Variants in PLA2G4D observed in about 807,000 individuals in gnomAD.
PLA2G4D encodes phospholipase A2 group IVD.
Under a neutral mutation model 94.4 loss-of-function variants are expected in PLA2G4D, and 80 were observed. The ratio of observed to expected loss-of-function variants is 0.85; its 90% CI spans 0.71 to 1.02. The LOEUF is 1.02. Ranked by LOEUF, PLA2G4D falls within the 50% of genes least tolerant of loss-of-function variation. The pLI is 0.00. For synonymous variants in PLA2G4D, 438 were observed against 440.9 expected (o/e 0.99, Z 0.08); for missense variants, 1,050 against 1,034.7 (o/e 1.01, Z -0.20).
intron 1 of PLA2G4D, among the ~76,000 whole-genome samples, chr15:42,093,916 G>A (rs537509469): frequency 6.6e-6 from 1 of 152,152 alleles, no homozygotes; most frequent in Non-Finnish European, 1.5e-5. Context: ...GACAGAGGGT[G>A]GGGGGGTGGC....
rs1315178914 is a variant in PLA2G4D, at chr15:42,068,799, G to A, written c.2373C>T (p.Thr791=). Residue 791 remains threonine, a synonymous_variant, in exon 20 of 20, where the codon ACC becomes ACT. Coordinates refer to ENST00000290472, the MANE Select transcript of PLA2G4D (RefSeq NM_178034.4). ...GGGCCTGCAGGATGGCACCCTGGCTGGTCTGCACGTTGTAGTCACTGAGCC... is the reference window on the plus strand; with the variant it reads ...GGGCCTGCAGGATGGCACCCTGGCTAGTCTGCACGTTGTAGTCACTGAGCC... ...LLRLSDYNVQ[T]SQGAILQALR... 3 of 1,613,596 alleles carry A rather than the reference G, an allele frequency of 1.9e-6. No homozygotes were observed. In the East Asian group the frequency reaches 6.7e-5, roughly 36 times the overall value.
At chr15:42,087,206 G>A in intron 3 of PLA2G4D, 94 bp downstream of exon 3, 1 of 1,526,890 alleles carries the variant, frequency 6.5e-7, no homozygotes, top group South Asian at 1.2e-5. Flanking sequence ...GAGTTTCTCT[G>A]ACAGCCCCAG....
At chr15:42,076,955 G>A (rs1168654689) in intron 13 of PLA2G4D, among the ~76,000 whole-genome samples, 2 of 152,286 alleles carry the variant, frequency 1.3e-5, no homozygotes. Flanking sequence ...GGATATATAT[G>A]TGAAAATATT....
rs549304409 is a variant in PLA2G4D, at chr15:42,085,131, G to C, written c.436C>G (p.Arg146Gly). 3.7e-6 allele frequency: 6 copies of C among 1,614,198 alleles called. No homozygotes were observed. The highest frequency in any genetic ancestry group is 5.1e-6 in the Non-Finnish European group (6 of 1,180,032). ...VEFLMEETSD[R>G]PENLITNKVI... ...TTGTTGGTGATGAGGTTTTCTGGGC[G>C]ATCTGACCTGGAAAAATCAAACCAT... Residue 146 changes from arginine (R) to glycine (G), a missense_variant, in exon 6 of 20, where the codon CGC becomes GGC. Coordinates refer to ENST00000290472, the MANE Select transcript of PLA2G4D (RefSeq NM_178034.4).
In PLA2G4D at chr15:42,068,695, C is replaced by A. The variant is rs1204385366; in HGVS notation, c.*20G>T. The A allele has an allele frequency of 1.9e-6, 3 of 1,585,330 alleles. No homozygotes were observed. In the South Asian group the frequency reaches 3.4e-5, roughly 18 times the overall value. On this transcript the variant is annotated 3_prime_UTR_variant, in exon 20 of 20. Coordinates refer to ENST00000290472, the MANE Select transcript of PLA2G4D (RefSeq NM_178034.4). ...GTTATGCCCGCAGGCCCTGGAGGGT[C>A]CTGCAGCCTCTGAGCAACCTCAGGT...
chr15:42,094,227 G>C (rs562435421), intron 1 of PLA2G4D, among the ~76,000 whole-genome samples, 188 bp downstream of exon 1: 1 of 152,248 alleles, frequency 6.6e-6, no homozygotes, highest in African/African-American at 2.4e-5. Context: ...CCAGACTCAC[G>C]TTTCCCAGCC....
chr15:42,074,151 T>C (rs2141094513), intron 13 of PLA2G4D, among the ~76,000 whole-genome samples: 1 of 152,252 alleles, frequency 6.6e-6, no homozygotes, highest in Non-Finnish European at 1.5e-5. Flanking sequence ...AGTTGCACAA[T>C]TTATGCCCTA....
intron 1 of PLA2G4D, among the ~76,000 whole-genome samples, chr15:42,091,211 A>G (rs1890238972): frequency 6.6e-6 from 1 of 152,270 alleles, no homozygotes; most frequent in African/African-American, 2.4e-5. Flanking sequence ...CTGTTCCAGT[A>G]TAATAAAATA....
chr15:42,079,833 C>A, intron 12 of PLA2G4D, 74 bp from the exon 13 acceptor site: 2 of 1,445,304 alleles, frequency 1.4e-6, no homozygotes, highest in South Asian at 1.3e-5. Flanking sequence ...GCTTCCCACT[C>A]GGCAGCTTCT....
chr15:42,085,549 G>T lies in PLA2G4D; in HGVS notation c.388-18C>A. ...TCCTCTCCCTGAAATCAGAGAGCAT[G>T]AGCAAGTCATCAGCACATACCTGTG... On this transcript the variant is annotated intron_variant, in intron 4 of 19. Coordinates refer to ENST00000290472, the MANE Select transcript of PLA2G4D (RefSeq NM_178034.4). 1 of 1,612,424 alleles carries T rather than the reference G, an allele frequency of 6.2e-7. No individual in the cohort carries two copies. The highest frequency in any genetic ancestry group is 1.1e-5 in the South Asian group (1 of 91,050).
At chr15:42,081,974 C>G in intron 9 of PLA2G4D, 140 bp from the exon 10 acceptor site, 2 of 1,064,382 alleles carry the variant, frequency 1.9e-6, no homozygotes, top group Non-Finnish European at 2.6e-6. Context: ...TCTTGTTGCT[C>G]AGGCTGGAGT....
chr15:42,081,139 CCA>C lies in PLA2G4D; in HGVS notation c.958-8_958-7del. Reference sequence around the variant, plus strand: ...ATGATGCCCACAACGGGTACCTGGACCACACACAGACAGGCTGGATTAACAAG... The same window carrying C: ...ATGATGCCCACAACGGGTACCTGGACCACACAGACAGGCTGGATTAACAAG... On this transcript the variant is annotated splice_polypyrimidine_tract_variant and splice_region_variant and intron_variant, in intron 11 of 19. Transcript: ENST00000290472. The C allele has an allele frequency of 6.2e-7, 1 of 1,612,910 alleles. No individual in the cohort carries two copies. Among genetic ancestry groups the C allele is most frequent in the Non-Finnish European group, 8.5e-7 (1 of 1,179,306 alleles).
At chr15:42,085,073 C>G (rs367765701) in intron 6 of PLA2G4D, 23 bp downstream of exon 6, 3 of 1,613,990 alleles carry the variant, frequency 1.9e-6, no homozygotes, top group African/African-American at 2.7e-5. Flanking sequence ...GGCCCCTCCC[C>G]TAAGCCTGGG....
At chr15:42,074,802 C>G (rs898839980) in intron 13 of PLA2G4D, among the ~76,000 whole-genome samples, 1 of 151,692 alleles carries the variant, frequency 6.6e-6, no homozygotes, top group Non-Finnish European at 1.5e-5. Flanking sequence ...TAAAATTGCC[C>G]GAAGAAAACA....
chr15:42,090,378 C>A (rs1166770429), intron 1 of PLA2G4D, among the ~76,000 whole-genome samples: 1 of 152,206 alleles, frequency 6.6e-6, no homozygotes, highest in Non-Finnish European at 1.5e-5. Context: ...TTTTGTCAGA[C>A]CCCGACAAAT....
chr15:42,089,647 G>A (rs1007852794), intron 1 of PLA2G4D, among the ~76,000 whole-genome samples: 5 of 152,116 alleles, frequency 3.3e-5, no homozygotes, highest in East Asian at 1.9e-4. Context: ...CACCACTGCC[G>A]GCCACAGGGA....
At position 42,081,548 on chromosome 15, in the gene PLA2G4D, C is replaced by G. The variant is rs142515758; in HGVS notation, c.888G>C (p.Arg296Ser). 9.8e-5 allele frequency: 158 copies of G among 1,614,114 alleles called. No individual in the cohort carries two copies. Among genetic ancestry groups the G allele is most frequent in the Non-Finnish European group, 1.3e-4 (150 of 1,180,034 alleles). The stretch of plus-strand genomic sequence containing the variant: ...GGGCCTTGGCCACCACCTGCTTCCT[C>G]CTGCTCAGGAAGGCCTGCTCCTCTG... Reference protein sequence around the residue: ...LCAEEQAFLSRRKQVVAKALK... With the variant: ...LCAEEQAFLSSRKQVVAKALK... The change falls in exon 11 of 20, where the codon AGG (arginine) becomes AGC (serine). Residue 296 changes from arginine (R) to serine (S), a missense_variant. Coordinates refer to ENST00000290472, the MANE Select transcript of PLA2G4D (RefSeq NM_178034.4).
rs144925289 is a variant in PLA2G4D at position 42,092,129 on chromosome 15, C to T, written c.45+2286G>A. On this transcript the variant is annotated intron_variant, in intron 1 of 19. Coordinates refer to ENST00000290472, the MANE Select transcript of PLA2G4D (RefSeq NM_178034.4). ...TCACCGCACACGGGGAGAGACCCAC[C>T]GACCCTGTGGGGCTGGTCCCTACAC... Among the ~76,000 whole-genome samples the T allele has an allele frequency of 2.0e-4, 31 of 152,288 alleles. No individual in the cohort carries two copies. In the East Asian group the frequency reaches 5.8e-3, roughly 28 times the overall value.
chr15:42,069,028 G>A, intron 19 of PLA2G4D, 87 bp from the exon 20 acceptor site: 1 of 1,224,198 alleles, frequency 8.2e-7, no homozygotes, highest in South Asian at 1.4e-5. Flanking sequence ...TGCCCCCGCT[G>A]GAGGGGCCCC....
Sources: allele counts gnomAD v4.1 joint callset (sites outside exome capture counted in the v4.1 genomes callset), GRCh38; gene constraint gnomAD v4.1.1; transcripts MANE v1.5; gene names NCBI Gene and HGNC (gene_info 2026-07-23, HGNC 2026-07-21).